Variants in NRXN1 observed in about 807,000 individuals in gnomAD.
NRXN1 encodes neurexin 1, also known as neurexin-1.
Under a neutral mutation model 150.9 loss-of-function variants are expected in NRXN1, and 39 were observed. The observed-to-expected ratio is 0.26, with a 90% CI of 0.20 to 0.34. NRXN1 has a LOEUF of 0.34. Ranked by LOEUF, NRXN1 falls within the 10% of genes least tolerant of loss-of-function variation. The pLI is 1.00. For synonymous variants in NRXN1, 924 were observed against 757.0 expected, an observed-to-expected ratio of 1.22 and a Z score of -3.62; for missense variants, 1,815 against 1,949.9, an observed-to-expected ratio of 0.93 and a Z score of 1.30.
At chr2:50,876,822 A>G (rs1422776138) in intron 5 of NRXN1, among the ~76,000 whole-genome samples, 1 of 151,808 alleles carries the variant, frequency 6.6e-6, no homozygotes, top group Non-Finnish European at 1.5e-5. Flanking sequence ...AATTATTCCC[A>G]TCTACCCCAA....
intron 17 of NRXN1, among the ~76,000 whole-genome samples, chr2:50,317,726 C>T (rs1259985681): frequency 6.6e-6 from 1 of 151,918 alleles, no homozygotes; most frequent in Non-Finnish European, 1.5e-5. Context: ...GAAAGCCTTA[C>T]TTTGTAAAAA....
At chr2:50,195,414 T>A (rs574357155) in intron 18 of NRXN1, among the ~76,000 whole-genome samples, 84 of 152,288 alleles carry the variant, frequency 5.5e-4, no homozygotes, top group African/African-American at 2.0e-3. Context: ...AATTCTGCAT[T>A]TTGTGCTAAA....
intron 21 of NRXN1, among the ~76,000 whole-genome samples, chr2:50,048,001 T>C (rs1188762484): frequency 1.3e-5 from 2 of 152,042 alleles, no homozygotes; most frequent in Non-Finnish European, 2.9e-5. Context: ...GAGCATTTTG[T>C]CATCTAGTAA....
intron 17 of NRXN1, among the ~76,000 whole-genome samples, chr2:50,394,651 C>T (rs1016633169): frequency 2.0e-5 from 3 of 152,130 alleles, no homozygotes; most frequent in African/African-American, 7.2e-5. Context: ...TTTCCTCCCT[C>T]TTCTCTGCAA....
intron 8 of NRXN1, among the ~76,000 whole-genome samples, chr2:50,597,608 C>T (rs1408309395): frequency 6.6e-6 from 1 of 152,172 alleles, no homozygotes; most frequent in Non-Finnish European, 1.5e-5. Context: ...ATGTTCAACA[C>T]CTCCTCCATG....
At chr2:50,019,699 C>CACT (rs1474903924) in intron 21 of NRXN1, among the ~76,000 whole-genome samples, 2 of 140,998 alleles carry the variant, frequency 1.4e-5, no homozygotes, top group Non-Finnish European at 3.0e-5. Context: ...GTAATCCCAG[C>CACT]ACTTTGGGAG....
At chr2:50,367,658 C>G (rs1011535564) in intron 17 of NRXN1, among the ~76,000 whole-genome samples, 2 of 151,952 alleles carry the variant, frequency 1.3e-5, no homozygotes, top group African/African-American at 2.4e-5. Context: ...GCATATCTAC[C>G]TTCTGACATG....
At chr2:50,230,807 A>T (rs2064869589) in intron 18 of NRXN1, among the ~76,000 whole-genome samples, 1 of 152,096 alleles carries the variant, frequency 6.6e-6, no homozygotes, top group Non-Finnish European at 1.5e-5. Context: ...AGGAATCTGT[A>T]TTGATTCATT....
chr2:50,696,553 T>G (rs1295763399), intron 5 of NRXN1, among the ~76,000 whole-genome samples: 1 of 152,092 alleles, frequency 6.6e-6, no homozygotes, highest in Non-Finnish European at 1.5e-5. Flanking sequence ...CGGAGAAAAC[T>G]GTTTATGCCT....
intron 9 of NRXN1, among the ~76,000 whole-genome samples, chr2:50,546,506 A>C (rs1384055479): frequency 6.6e-6 from 1 of 152,216 alleles, no homozygotes; most frequent in Non-Finnish European, 1.5e-5. Flanking sequence ...AAAAGAGTAC[A>C]TAACACCATA....
At chr2:50,505,921 A>G (rs1284915780) in intron 13 of NRXN1, among the ~76,000 whole-genome samples, 1 of 152,128 alleles carries the variant, frequency 6.6e-6, no homozygotes, top group Non-Finnish European at 1.5e-5. Context: ...AGGCTTTCCT[A>G]TGTTTCTAGG....
chr2:50,181,118 G>C lies in NRXN1; in HGVS notation c.3546+55671C>G, dbSNP rs555411725. Among the ~76,000 whole-genome samples, 4 of 152,046 alleles carry C rather than the reference G, an allele frequency of 2.6e-5. No homozygotes were observed. The East Asian group carries it at 7.8e-4, about 30-fold the overall frequency. ...AAGGTATTCACAATAACGTATTAGA[G>C]CTCAGTAGCTTTAACACATTTCTTT... On this transcript the variant is annotated intron_variant, in intron 18 of 22. Coordinates refer to ENST00000401669, the MANE Select transcript of NRXN1 (RefSeq NM_001330078.2).
intron 5 of NRXN1, among the ~76,000 whole-genome samples, chr2:50,832,550 G>A (rs1671553999): frequency 6.6e-6 from 1 of 152,146 alleles, no homozygotes; most frequent in African/African-American, 2.4e-5. Flanking sequence ...CTACTCCAGA[G>A]GGTGAGGCAG....
chr2:50,806,002 G>C (rs879662719), intron 5 of NRXN1, among the ~76,000 whole-genome samples: 2 of 152,008 alleles, frequency 1.3e-5, no homozygotes, highest in Non-Finnish European at 2.9e-5. Context: ...CTTTAAGTAC[G>C]CAAAAATGAC....
In NRXN1 at chr2:50,685,495, T is replaced by G. The variant is rs1051516444; in HGVS notation, c.833-61880A>C. ...TCACCATTATCTCCATTGCTAAGGC[T>G]TGAAAACGAGTCATCTGTTTCTTTC... On this transcript the variant is annotated intron_variant, in intron 5 of 22. Coordinates refer to ENST00000401669, the MANE Select transcript of NRXN1 (RefSeq NM_001330078.2). Among the ~76,000 whole-genome samples the G allele has an allele frequency of 2.0e-5, 3 of 152,302 alleles. No individual in the cohort carries two copies. In the South Asian group the frequency reaches 6.2e-4, roughly 32 times the overall value.
chr2:50,834,246 G>A (rs1044496554), intron 5 of NRXN1, among the ~76,000 whole-genome samples: 4 of 152,096 alleles, frequency 2.6e-5, no homozygotes, highest in African/African-American at 9.7e-5. Flanking sequence ...AAGATTCTCT[G>A]TAATCAACTG....
intron 17 of NRXN1, among the ~76,000 whole-genome samples, chr2:50,357,950 G>A (rs924709736): frequency 2.0e-5 from 3 of 152,234 alleles, no homozygotes; most frequent in South Asian, 4.2e-4. Context: ...AGGGTGGGGC[G>A]TCACATGACC....
chr2:50,005,474 G>A (rs1052506101), intron 21 of NRXN1, among the ~76,000 whole-genome samples: 14 of 151,988 alleles, frequency 9.2e-5, no homozygotes, highest in South Asian at 4.2e-4. Context: ...ATTACCAACC[G>A]GGACAACCAT....
intron 5 of NRXN1, among the ~76,000 whole-genome samples, chr2:50,630,367 G>C (rs1269495135): frequency 3.3e-5 from 5 of 151,596 alleles, no homozygotes; most frequent in African/African-American, 1.2e-4. Context: ...AACAAAGATA[G>C]GTTAAATGAC....
Sources: gnomAD v4.1 joint callset for allele counts (sites outside exome capture counted in the v4.1 genomes callset) on GRCh38, gnomAD v4.1.1 for gene constraint, MANE v1.5 for transcripts, NCBI Gene and HGNC (gene_info 2026-07-23, HGNC 2026-07-21) for gene names.